The following MAGI2 variants were observed in gnomAD, a reference collection of about 807,000 sequenced individuals.
MAGI2 encodes membrane associated guanylate kinase, WW and PDZ domain containing 2, also known as membrane-associated guanylate kinase, WW and PDZ domain-containing protein 2.
In MAGI2, 35 loss-of-function variants were observed where a neutral mutation model predicts 133.3. The observed-to-expected ratio is 0.26, with a 90% CI of 0.20 to 0.35. MAGI2 has a LOEUF of 0.35. MAGI2 is among the 10% of genes least tolerant of loss of function. The pLI is 1.00. For synonymous variants in MAGI2, 729 were observed against 710.6 expected (o/e 1.03, Z -0.41); for missense variants, 1,636 against 1,863.4 (o/e 0.88, Z 2.25).
chr7:79,304,463 TA>T (rs1268513947), intron 1 of MAGI2, among the ~76,000 whole-genome samples: 3 of 152,072 alleles, frequency 2.0e-5, no homozygotes, highest in Non-Finnish European at 2.9e-5. Context: ...TCTGCTGTCC[TA>T]AAACTCCCAG....
chr7:78,177,441 C>G (rs1584275325), intron 14 of MAGI2, among the ~76,000 whole-genome samples: 1 of 149,612 alleles, frequency 6.7e-6, no homozygotes, highest in African/African-American at 2.5e-5. Context: ...CACACACACA[C>G]ACACAGACAC....
At chr7:78,580,095 AT>A (rs1362015717) in intron 3 of MAGI2, among the ~76,000 whole-genome samples, 4 of 149,654 alleles carry the variant, frequency 2.7e-5, no homozygotes, top group African/African-American at 9.9e-5. Flanking sequence ...AATATGGTGA[AT>A]GTAATGTGTT....
rs1827612750 is a variant in MAGI2 at position 78,185,627 on chromosome 7, G to T, written c.2311+2C>A. The T allele has an allele frequency of 6.3e-7, 1 of 1,590,338 alleles. No individual in the cohort carries two copies. The highest frequency in any genetic ancestry group is 8.6e-7 in the Non-Finnish European group (1 of 1,163,702). ...GAACTGTGAGTACTGAACAATACTT[G>T]CCAGAGGAATCCATTCGAAAACTGG... On this transcript the variant is annotated splice_donor_variant, in intron 13 of 21. Coordinates refer to ENST00000354212, the MANE Select transcript of MAGI2 (RefSeq NM_012301.4). LOFTEE classifies it high-confidence loss of function.
At chr7:78,105,661 G>A (rs565691383) in intron 20 of MAGI2, among the ~76,000 whole-genome samples, 6 of 151,912 alleles carry the variant, frequency 3.9e-5, no homozygotes, top group African/African-American at 7.2e-5. Context: ...TGTGATATGC[G>A]TGTTGCCTCT....
In MAGI2 at chr7:78,752,943, C is replaced by T. The variant is rs561295245; in HGVS notation, c.419-125704G>A. 5.4e-4 allele frequency among the ~76,000 whole-genome samples: 82 copies of T among 152,318 alleles called. 4 individuals carry two copies. In the South Asian group the frequency reaches 0.015, roughly 28 times the overall value. On this transcript the variant is annotated intron_variant, in intron 2 of 21. Transcript: ENST00000354212. The stretch of plus-strand genomic sequence containing the variant: ...GCTCAAATATTTTAGCTGCTGCCTA[C>T]TATAGATAAGACAGAATTTAGACAT...
chr7:79,362,672 G>A (rs145958881), intron 1 of MAGI2, among the ~76,000 whole-genome samples: 5 of 152,058 alleles, frequency 3.3e-5, no homozygotes, highest in Admixed American at 2.6e-4. Flanking sequence ...GTATCAACAA[G>A]CTAAAAAAGA....
chr7:78,994,788 A>G (rs1221491714), intron 2 of MAGI2, among the ~76,000 whole-genome samples: 9 of 152,112 alleles, frequency 5.9e-5, no homozygotes, highest in African/African-American at 2.2e-4. Context: ...ATGCAATGAC[A>G]TGATAATACT....
chr7:78,866,545 C>T (rs1794569476), intron 2 of MAGI2, among the ~76,000 whole-genome samples: 1 of 151,716 alleles, frequency 6.6e-6, no homozygotes, highest in Non-Finnish European at 1.5e-5. Context: ...TTTGTGAGTC[C>T]CAGGATTCTT....
At chr7:78,677,514 G>T (rs1233103677) in intron 2 of MAGI2, among the ~76,000 whole-genome samples, 1 of 151,790 alleles carries the variant, frequency 6.6e-6, no homozygotes, top group Non-Finnish European at 1.5e-5. Context: ...ACATAGCTAT[G>T]TGAAGATTGG....
chr7:78,652,940 GA>G (rs569748966), intron 2 of MAGI2, among the ~76,000 whole-genome samples: 27 of 142,992 alleles, frequency 1.9e-4, no homozygotes, highest in East Asian at 4.1e-4. Context: ...ATTTACAAGG[GA>G]AAAAAAAAAC....
At chr7:78,993,059 T>C (rs1304481620) in intron 2 of MAGI2, among the ~76,000 whole-genome samples, 3 of 151,930 alleles carry the variant, frequency 2.0e-5, no homozygotes, top group African/African-American at 4.8e-5. Context: ...AATAAAGTTG[T>C]GAATAAAAAA....
In MAGI2 at chr7:78,533,523, T is replaced by A. The variant is rs1797639102; in HGVS notation, c.539-11878A>T. 2.0e-5 allele frequency among the ~76,000 whole-genome samples: 3 copies of A among 152,258 alleles called. No individual in the cohort carries two copies. In the South Asian group the frequency reaches 6.2e-4, roughly 32 times the overall value. The stretch of plus-strand genomic sequence containing the variant: ...ATTTTGGCCCAAAGCCACACACACA[T>A]AAGGTCATCTGTGATGACCCAGTAT... On this transcript the variant is annotated intron_variant, in intron 3 of 21. Coordinates refer to ENST00000354212, the MANE Select transcript of MAGI2 (RefSeq NM_012301.4).
chr7:79,319,659 G>A (rs1457187599), intron 1 of MAGI2, among the ~76,000 whole-genome samples: 1 of 152,124 alleles, frequency 6.6e-6, no homozygotes, highest in Non-Finnish European at 1.5e-5. Context: ...ATAGTTAAGT[G>A]GTCATAGGAG....
intron 2 of MAGI2, among the ~76,000 whole-genome samples, chr7:78,895,036 A>G (rs1257563718): frequency 6.6e-6 from 1 of 152,174 alleles, no homozygotes; most frequent in Non-Finnish European, 1.5e-5. Flanking sequence ...TTAAGAGGTG[A>G]TAAGAGTTAT....
Position 78,206,245 on chromosome 7 carries a change from C to T in MAGI2, c.2048-5052G>A, listed in dbSNP as rs75402943. Among the ~76,000 whole-genome samples the T allele has an allele frequency of 5.0e-3, 756 of 151,492 alleles. 6 individuals carry two copies. The highest frequency in any genetic ancestry group is 0.016 in the African/African-American group (668 of 41,298). On this transcript the variant is annotated intron_variant, in intron 10 of 21. Coordinates refer to ENST00000354212, the MANE Select transcript of MAGI2 (RefSeq NM_012301.4). Reference sequence around the variant, plus strand: ...GAGCAACTTTAATCTATCATGATATCGTCAATTTGGCATAACACCAAGACA... The same window carrying T: ...GAGCAACTTTAATCTATCATGATATTGTCAATTTGGCATAACACCAAGACA...
At chr7:78,054,449 G>T (rs1374539295) in intron 21 of MAGI2, among the ~76,000 whole-genome samples, 1 of 151,866 alleles carries the variant, frequency 6.6e-6, no homozygotes, top group Non-Finnish European at 1.5e-5. Flanking sequence ...TTTATTCTGG[G>T]ATGCTGAAGA....
At chr7:78,076,642 C>T (rs1348731338) in intron 21 of MAGI2, among the ~76,000 whole-genome samples, 6 of 149,344 alleles carry the variant, frequency 4.0e-5, no homozygotes, top group Non-Finnish European at 7.4e-5. Flanking sequence ...GTCAGGAGAT[C>T]GAGACCATCC....
At chr7:78,884,652 T>C (rs185657061) in intron 2 of MAGI2, among the ~76,000 whole-genome samples, 2 of 152,064 alleles carry the variant, frequency 1.3e-5, no homozygotes, top group Non-Finnish European at 2.9e-5. Context: ...ATGGATATTA[T>C]CAAAAAGACA....
chr7:79,280,893 C>T (rs1161032636), intron 1 of MAGI2, among the ~76,000 whole-genome samples: 4 of 124,824 alleles, frequency 3.2e-5, no homozygotes, highest in African/African-American at 1.2e-4. Context: ...CCACCATACT[C>T]CAGCCTGGGT....
Sources: gnomAD v4.1 joint callset for allele counts (sites outside exome capture counted in the v4.1 genomes callset) on GRCh38, gnomAD v4.1.1 for gene constraint, MANE v1.5 for transcripts, NCBI Gene and HGNC (gene_info 2026-07-23, HGNC 2026-07-21) for gene names.